Variants in REDIC1 observed in about 807,000 individuals in gnomAD.
REDIC1 encodes the protein regulator of DNA class I crossover intermediates 1.
the REDIC1 span, among the ~76,000 whole-genome samples, chr12:39,858,083 TC>T: frequency 1.3e-4 from 20 of 152,228 alleles, no homozygotes; most frequent in African/African-American, 4.3e-4. Flanking sequence ...AAAGAATATG[TC>T]CCATAAATGG....
chr12:39,646,963 T>C, the REDIC1 span: 7 of 1,005,584 alleles, frequency 7.0e-6, no homozygotes, highest in Non-Finnish European at 8.8e-6. Flanking sequence ...AATGTCTGAA[T>C]ACTGGAGAAA....
the REDIC1 span, among the ~76,000 whole-genome samples, chr12:39,821,810 C>A: frequency 6.6e-6 from 1 of 152,148 alleles, no homozygotes; most frequent in Non-Finnish European, 1.5e-5. Flanking sequence ...CAGGGAAATA[C>A]AATCCTTCCC....
chr12:39,667,703 GTC>G, the REDIC1 span, among the ~76,000 whole-genome samples: 61 of 152,128 alleles, frequency 4.0e-4, no homozygotes, highest in Non-Finnish European at 7.8e-4. Flanking sequence ...GGGAGTCTAA[GTC>G]TCTTTCTAGG....
At chr12:39,870,586 G>T in the REDIC1 span, among the ~76,000 whole-genome samples, 1 of 152,048 alleles carries the variant, frequency 6.6e-6, no homozygotes, top group Non-Finnish European at 1.5e-5. Flanking sequence ...TTCTTCAACA[G>T]GTTTATAAAC....
chr12:39,711,126 C>A, the REDIC1 span, among the ~76,000 whole-genome samples: 1 of 151,366 alleles, frequency 6.6e-6, no homozygotes, highest in South Asian at 2.1e-4. Flanking sequence ...TACCTCATAT[C>A]AGTGAGAACA....
the REDIC1 span, among the ~76,000 whole-genome samples, chr12:39,628,205 A>C: frequency 6.6e-6 from 1 of 151,698 alleles, no homozygotes; most frequent in South Asian, 2.1e-4. Context: ...GAAATGAAAA[A>C]CTCTTGTGAA....
chr12:39,872,706 ATTTCT>A, the REDIC1 span, among the ~76,000 whole-genome samples: 46 of 152,316 alleles, frequency 3.0e-4, no homozygotes, highest in Middle Eastern at 3.4e-3. Context: ...ATCACAAGAC[ATTTCT>A]TTTCTGGTGG....
chr12:39,758,290 G>A, the REDIC1 span: 1 of 151,878 alleles, frequency 6.6e-6, no homozygotes, highest in Admixed American at 6.6e-5. Context: ...TACCTCTGGT[G>A]ACTTAGAGAA....
the REDIC1 span, among the ~76,000 whole-genome samples, chr12:39,819,293 T>A: frequency 2.6e-5 from 4 of 152,196 alleles, no homozygotes; most frequent in African/African-American, 9.6e-5. Flanking sequence ...GTTTGGAGAA[T>A]TTTTTTTCTC....
At chr12:39,776,840 G>A in the REDIC1 span, among the ~76,000 whole-genome samples, 2 of 152,134 alleles carry the variant, frequency 1.3e-5, no homozygotes, top group Non-Finnish European at 2.9e-5. Context: ...TTATAACAAA[G>A]TGATGGCTAG....
At chr12:39,788,719 G>A in the REDIC1 span, 1 of 152,046 alleles carries the variant, frequency 6.6e-6, no homozygotes, top group Non-Finnish European at 1.5e-5. Flanking sequence ...ATCCAAGCTT[G>A]CATGTTCAGG....
the REDIC1 span, among the ~76,000 whole-genome samples, chr12:39,702,745 T>C: frequency 1.3e-5 from 2 of 152,214 alleles, no homozygotes; most frequent in Non-Finnish European, 2.9e-5. Context: ...CATGATGAAG[T>C]GGACTTCATC....
At chr12:39,814,883 C>G in the REDIC1 span, among the ~76,000 whole-genome samples, 1 of 151,856 alleles carries the variant, frequency 6.6e-6, no homozygotes, top group South Asian at 2.1e-4. Flanking sequence ...GCTTTATCCT[C>G]TTAGATAAGG....
the REDIC1 span, among the ~76,000 whole-genome samples, chr12:39,708,252 A>T: frequency 6.6e-6 from 1 of 151,870 alleles, no homozygotes; most frequent in Non-Finnish European, 1.5e-5. Flanking sequence ...GTATCCTTGT[A>T]TCAAAACATC....
At chr12:39,807,389 CA>C in the REDIC1 span, among the ~76,000 whole-genome samples, 1 of 152,156 alleles carries the variant, frequency 6.6e-6, no homozygotes, top group African/African-American at 2.4e-5. Flanking sequence ...GAAACAATAT[CA>C]ATCTCCTGGG....
the REDIC1 span, among the ~76,000 whole-genome samples, chr12:39,762,028 C>T: frequency 6.6e-6 from 1 of 152,008 alleles, no homozygotes. Context: ...GACCTGGATT[C>T]CCAAAGCTGA....
the REDIC1 span, among the ~76,000 whole-genome samples, chr12:39,740,838 TA>T: frequency 1.3e-5 from 2 of 152,224 alleles, no homozygotes; most frequent in African/African-American, 4.8e-5. Flanking sequence ...GTTTCATGAT[TA>T]TTTTTGTAAT....
chr12:39,857,739 C>T, the REDIC1 span, among the ~76,000 whole-genome samples: 3 of 152,146 alleles, frequency 2.0e-5, no homozygotes, highest in African/African-American at 4.8e-5. Context: ...CTGTCATTGG[C>T]CTGCTATCCA....
chr12:39,798,087 G>A, the REDIC1 span, among the ~76,000 whole-genome samples: 1 of 152,174 alleles, frequency 6.6e-6, no homozygotes, highest in Non-Finnish European at 1.5e-5. Flanking sequence ...CACTTTGGAG[G>A]AAGCTAGCTA....
Sources: gnomAD v4.1 joint callset for allele counts (sites outside exome capture counted in the v4.1 genomes callset) on GRCh38, gnomAD v4.1.1 for gene constraint, MANE v1.5 for transcripts, NCBI Gene and HGNC (gene_info 2026-07-23, HGNC 2026-07-21) for gene names.